Variants in COQ9 observed in about 807,000 individuals in gnomAD.
The protein encoded by COQ9 is coenzyme Q9.
A neutral mutation model predicts 42.4 loss-of-function variants in COQ9; 35 were observed. The ratio of observed to expected loss-of-function variants is 0.83; its 90% confidence interval spans 0.63 to 1.10. The LOEUF is 1.10. COQ9 is among the 50% of genes least tolerant of loss of function. The pLI, the probability that COQ9 is intolerant of heterozygous loss-of-function variation, is 0.00. For missense variants in COQ9, 406 were observed against 414.6 expected (o/e 0.98, Z 0.18); for synonymous variants, 155 against 155.1 (o/e 1.00, Z 0.00).
intron 3 of COQ9, 78 bp downstream of exon 3, chr16:57,453,014 A>G (rs1463918836): frequency 6.3e-7 from 1 of 1,579,848 alleles, no homozygotes; most frequent in Non-Finnish European, 8.7e-7. Flanking sequence ...GGGGGGCCTC[A>G]TGCCTTCTTC....
chr16:57,460,989 C>T lies in COQ9; in HGVS notation c.*365C>T, dbSNP rs1427873430. On this transcript the variant is annotated 3_prime_UTR_variant, in exon 9 of 9. Coordinates refer to ENST00000262507, the MANE Select transcript of COQ9 (RefSeq NM_020312.4). The stretch of plus-strand genomic sequence containing the variant: ...TCTTAACCTTCCCTTAACCTTGGGG[C>T]TCCCAAGCCAGAGTCAAGGTCTGAC... 2.8e-6 allele frequency: 1 copy of T among 362,238 alleles called. No individual in the cohort carries two copies. Among genetic ancestry groups the T allele is most frequent in the South Asian group, 2.1e-5 (1 of 47,552 alleles). 22.4% of individuals were successfully genotyped at this position (362,238 alleles called of 1,614,324 possible). A position where few individuals can be genotyped will look rare whatever the true frequency, so the allele number is the denominator to read the frequency against.
chr16:57,456,981 G>T lies in COQ9; in HGVS notation c.572G>T (p.Arg191Ile), dbSNP rs1454211597. Residue 191 changes from arginine to isoleucine, a missense_variant, in exon 5 of 9, where the codon AGA (arginine) becomes ATA (isoleucine). By Grantham distance (97) the Arg-to-Ile change is moderately conservative (BLOSUM62 -3). Transcript: ENST00000262507. ...AGGGATGCAGTGGAAACCAGACTGA[G>T]AATGCTGATCCCATACATTGAGCAC... is the stretch of plus-strand genomic sequence containing the variant. Reference protein sequence around the residue: ...FLRDAVETRLRMLIPYIEHWP... With the variant: ...FLRDAVETRLIMLIPYIEHWP... The T allele has an allele frequency of 1.9e-6, 3 of 1,614,040 alleles. No individual in the cohort carries two copies. Among genetic ancestry groups the T allele is most frequent in the Admixed American group, 3.3e-5 (2 of 60,010 alleles).
In COQ9 at chr16:57,447,989, C is replaced by T. The variant is rs183509224; in HGVS notation, c.73+411C>T. On this transcript the variant is annotated intron_variant, in intron 1 of 8. Coordinates refer to ENST00000262507, the MANE Select transcript of COQ9 (RefSeq NM_020312.4). ...TTCCCGAAAGCCAGCCGTTTCCTCA[C>T]CACTTCACGAATTCTGTGATACTCT... is the stretch of plus-strand genomic sequence containing the variant. 2.5e-3 allele frequency among the ~76,000 whole-genome samples: 384 copies of T among 152,310 alleles called. 2 individuals are homozygous for T. The highest frequency in any genetic ancestry group is 5.2e-3 in the Admixed American group (80 of 15,304).
chr16:57,457,915 C>A (rs1326763377), intron 5 of COQ9, among the ~76,000 whole-genome samples: 2 of 152,042 alleles, frequency 1.3e-5, no homozygotes, highest in African/African-American at 4.8e-5. Context: ...ACTCCTATCT[C>A]TGCTTCTTCC....
chr16:57,456,104 G>C, intron 3 of COQ9, among the ~76,000 whole-genome samples: 1 of 152,100 alleles, frequency 6.6e-6, no homozygotes, highest in East Asian at 1.9e-4. Flanking sequence ...GAATTTACAA[G>C]AGAAAATAGT....
intron 8 of COQ9, among the ~76,000 whole-genome samples, chr16:57,460,330 GTC>G (rs1365833765): frequency 6.6e-6 from 1 of 152,054 alleles, no homozygotes; most frequent in Non-Finnish European, 1.5e-5. Context: ...GGTATATCAA[GTC>G]TCTGTATCAT....
chr16:57,453,005 G>C (rs763205209), intron 3 of COQ9, 69 bp downstream of exon 3: 3 of 1,598,888 alleles, frequency 1.9e-6, no homozygotes, highest in South Asian at 2.2e-5. Context: ...AGGCAGAGCG[G>C]GGGGCCTCAT....
intron 3 of COQ9, chr16:57,453,905 G>C (rs1406375891): frequency 6.6e-6 from 1 of 152,216 alleles, no homozygotes; most frequent in African/African-American, 2.4e-5. Context: ...TAGGCACTGT[G>C]CTAGTCCAAG....
chr16:57,459,890 TCATTTG>T lies in COQ9; in HGVS notation c.868-154_868-149del, dbSNP rs36209698. ...CCCTTCCCTAAGAGCCACACTTTGCTCATTTGCATTTGTGATTGTGTTGTCCAAAGC... is the reference window on the plus strand; with the variant it reads ...CCCTTCCCTAAGAGCCACACTTTGCTCATTTGTGATTGTGTTGTCCAAAGC... On this transcript the variant is annotated intron_variant, in intron 7 of 8. Transcript: ENST00000262507. Among the ~76,000 whole-genome samples, 118,619 of 151,384 alleles carry T rather than the reference TCATTTG, an allele frequency of 0.78. 47,356 individuals carry two copies. The highest frequency in any genetic ancestry group is 0.94 in the African/African-American group (38,794 of 41,346).
Position 57,459,666 on chromosome 16 carries a change from C to T in COQ9, c.813C>T (p.Arg271=). 1 of 1,614,200 alleles carries T rather than the reference C, an allele frequency of 6.2e-7. No individual in the cohort carries two copies. Among genetic ancestry groups the T allele is most frequent in the Non-Finnish European group, 8.5e-7 (1 of 1,180,028 alleles). ...CTCCAGACTTTGAGGACACTTGGCGCTTCCTGGAAAACCGGGTTAATGATG... is the reference window on the plus strand; with the variant it reads ...CTCCAGACTTTGAGGACACTTGGCGTTTCCTGGAAAACCGGGTTAATGATG... The part of the protein sequence containing the change: ...DSSPDFEDTW[R]FLENRVNDAM... Residue 271 remains arginine, a synonymous_variant, in exon 7 of 9, where the codon CGC becomes CGT. Transcript: ENST00000262507.
intron 3 of COQ9, among the ~76,000 whole-genome samples, chr16:57,455,021 G>A (rs1247402897): frequency 4.6e-5 from 7 of 152,170 alleles, no homozygotes; most frequent in African/African-American, 1.7e-4. Flanking sequence ...GATGAAAAGT[G>A]GATTGGAGGC....
intron 1 of COQ9, among the ~76,000 whole-genome samples, chr16:57,448,018 A>G (rs1446420807): frequency 6.6e-6 from 1 of 152,068 alleles, no homozygotes. Flanking sequence ...ATACTCTCTT[A>G]CCACCTTTGC....
intron 3 of COQ9, among the ~76,000 whole-genome samples, chr16:57,455,371 A>G (rs1460533942): frequency 6.8e-6 from 1 of 147,882 alleles, no homozygotes; most frequent in Non-Finnish European, 1.5e-5. Flanking sequence ...ATATATATAT[A>G]TACAGTATAT....
At chr16:57,454,177 AT>A (rs2030351311) in intron 3 of COQ9, 1 of 152,166 alleles carries the variant, frequency 6.6e-6, no homozygotes, top group African/African-American at 2.4e-5. Context: ...GAACCATGGA[AT>A]TGGTTCTTGA....
At chr16:57,450,908 G>C (rs2030269975) in intron 1 of COQ9, 132 bp from the exon 2 acceptor site, 3 of 1,000,398 alleles carry the variant, frequency 3.0e-6, no homozygotes, top group Non-Finnish European at 4.6e-6. Context: ...TTTTGTGTGG[G>C]ACCCAACACT....
chr16:57,451,176 A>T lies in COQ9; in HGVS notation c.210A>T (p.Lys70Asn), dbSNP rs748702028. ...ATTCTGAGACACAGGGGGCAGAAAAACCTGATCCAGAGTCTTCTCATTCAC... is the reference window on the plus strand; with the variant it reads ...ATTCTGAGACACAGGGGGCAGAAAATCCTGATCCAGAGTCTTCTCATTCAC... ...QQHSETQGAE[K>N]PDPESSHSPP... Residue 70 changes from lysine (K) to asparagine (N), a missense_variant, in exon 2 of 9, where the codon AAA (lysine) becomes AAT (asparagine). Coordinates refer to ENST00000262507, the MANE Select transcript of COQ9 (RefSeq NM_020312.4). 3 of 1,613,820 alleles carry T rather than the reference A, an allele frequency of 1.9e-6. No homozygotes were observed. Among genetic ancestry groups the T allele is most frequent in the Non-Finnish European group, 2.5e-6 (3 of 1,179,996 alleles).
At chr16:57,459,769 T>C in intron 7 of COQ9, 49 bp downstream of exon 7, 2 of 1,602,198 alleles carry the variant, frequency 1.2e-6, no homozygotes, top group Non-Finnish European at 1.7e-6. Context: ...GGCATACCTA[T>C]TCTCCTCAGG....
chr16:57,459,547 G>A lies in COQ9; in HGVS notation c.712-18G>A. On this transcript the variant is annotated intron_variant, in intron 6 of 8. Coordinates refer to ENST00000262507, the MANE Select transcript of COQ9 (RefSeq NM_020312.4). Reference sequence around the variant, plus strand: ...AGACTTGCACCAGCCCACAGCGGTAGTGTGGGTTTCTTTACAGTTTAACTG... The same window carrying A: ...AGACTTGCACCAGCCCACAGCGGTAATGTGGGTTTCTTTACAGTTTAACTG... 1 of 1,613,884 alleles carries A rather than the reference G, an allele frequency of 6.2e-7. No homozygotes were observed. Among genetic ancestry groups the A allele is most frequent in the Non-Finnish European group, 8.5e-7 (1 of 1,179,842 alleles).
At chr16:57,453,170 A>G in intron 3 of COQ9, 7 of 577,586 alleles carry the variant, frequency 1.2e-5, no homozygotes, top group Non-Finnish European at 2.2e-5. Flanking sequence ...TCTATTAGGC[A>G]AGAATTGTCT....
Sources: allele counts gnomAD v4.1 joint callset (sites outside exome capture counted in the v4.1 genomes callset), GRCh38; gene constraint gnomAD v4.1.1; transcripts MANE v1.5; gene names NCBI Gene and HGNC (gene_info 2026-07-23, HGNC 2026-07-21).